AGBL4: variants seen among roughly 807,000 people sequenced by gnomAD.
AGBL4 encodes AGBL carboxypeptidase 4.
In AGBL4, 58 loss-of-function variants were observed where a neutral mutation model predicts 66.4. The observed-to-expected ratio is 0.87, with a 90% CI of 0.71 to 1.09. The LOEUF (loss-of-function observed/expected upper bound fraction) is 1.09, where lower values mean the gene tolerates loss of function less well. Among genes scored for constraint, AGBL4 ranks in the 50% least tolerant of loss-of-function variants. AGBL4 has a pLI of 0.00. For synonymous variants in AGBL4, 234 were observed against 222.9 expected, an observed-to-expected ratio of 1.05 and a Z score of -0.44; for missense variants, 579 against 631.0, an observed-to-expected ratio of 0.92 and a Z score of 0.88.
chr1:48,823,756 A>G (rs1248992902), intron 6 of AGBL4, among the ~76,000 whole-genome samples: 2 of 152,234 alleles, frequency 1.3e-5, no homozygotes, highest in Non-Finnish European at 2.9e-5. Context: ...CCAACACAAA[A>G]TATGGAACAG....
At chr1:48,613,027 G>GGGAGGCTGA (rs1301957662) in intron 9 of AGBL4, among the ~76,000 whole-genome samples, 7 of 152,062 alleles carry the variant, frequency 4.6e-5, no homozygotes, top group Non-Finnish European at 7.4e-5. Flanking sequence ...CCAGCTACTC[G>GGGAGGCTGA]GGAGGCTGAG....
chr1:49,273,755 C>G (rs931176853), intron 3 of AGBL4, among the ~76,000 whole-genome samples: 15 of 152,048 alleles, frequency 9.9e-5, no homozygotes, highest in Non-Finnish European at 1.8e-4. Flanking sequence ...TGGCTCACTG[C>G]AAGCTCCACC....
chr1:49,385,247 C>T (rs1644712806), intron 3 of AGBL4, among the ~76,000 whole-genome samples: 1 of 152,120 alleles, frequency 6.6e-6, no homozygotes, highest in Non-Finnish European at 1.5e-5. Context: ...ACAGTTAACA[C>T]TACTGTATAG....
At chr1:49,028,028 C>T (rs1044789638) in intron 5 of AGBL4, among the ~76,000 whole-genome samples, 2 of 152,104 alleles carry the variant, frequency 1.3e-5, no homozygotes, top group African/African-American at 4.8e-5. Context: ...AATAACTCCA[C>T]AACACTGCAT....
chr1:48,670,797 C>T (rs61649209), intron 6 of AGBL4, among the ~76,000 whole-genome samples: 1,969 of 152,336 alleles, frequency 0.013, 46 homozygotes, highest in African/African-American at 0.044. Flanking sequence ...GAGCCAGAGC[C>T]ACCTACTCAG....
chr1:48,622,977 G>C (rs965428870), intron 9 of AGBL4, among the ~76,000 whole-genome samples: 1 of 152,168 alleles, frequency 6.6e-6, no homozygotes, highest in African/African-American at 2.4e-5. Context: ...ACGTTGAATT[G>C]AGATTTAAAC....
Position 49,764,454 on chromosome 1 carries a change from T to C in AGBL4, c.158-67017A>G, listed in dbSNP as rs1283772488. ...ATTCTGCTTGCTCTCACCTGAGAGA[T>C]CTGCCAGTGAGCATAGAACAAGGCC... On this transcript the variant is annotated intron_variant, in intron 2 of 13. Coordinates refer to ENST00000371839, the MANE Select transcript of AGBL4 (RefSeq NM_032785.4). Among the ~76,000 whole-genome samples, 3 of 152,258 alleles carry C rather than the reference T, an allele frequency of 2.0e-5. No homozygotes were observed. In the East Asian group the frequency reaches 5.8e-4, roughly 30 times the overall value.
intron 5 of AGBL4, among the ~76,000 whole-genome samples, chr1:48,943,154 T>G: frequency 6.6e-6 from 1 of 152,246 alleles, no homozygotes; most frequent in South Asian, 2.1e-4. Context: ...TGCAGCCGCA[T>G]GCACCACGTT....
intron 2 of AGBL4, among the ~76,000 whole-genome samples, chr1:49,727,476 G>A (rs907508638): frequency 1.1e-4 from 17 of 152,112 alleles, no homozygotes; most frequent in African/African-American, 3.6e-4. Flanking sequence ...AAGAACACTC[G>A]AAAATAATGT....
chr1:48,531,564 G>C (rs1235277576), downstream of AGBL4, among the ~76,000 whole-genome samples: 2 of 152,148 alleles, frequency 1.3e-5, no homozygotes, highest in African/African-American at 4.8e-5. Flanking sequence ...TTCACTAGAA[G>C]GTTTTCCTCA....
intron 6 of AGBL4, among the ~76,000 whole-genome samples, chr1:48,848,390 C>T (rs1646964939): frequency 6.6e-6 from 1 of 152,110 alleles, no homozygotes; most frequent in South Asian, 2.1e-4. Context: ...TTAATGAGTA[C>T]ATCAGTTATT....
intron 3 of AGBL4, among the ~76,000 whole-genome samples, chr1:49,363,821 A>G (rs760982505): frequency 2.0e-5 from 3 of 152,156 alleles, no homozygotes; most frequent in Non-Finnish European, 2.9e-5. Flanking sequence ...TGTACCAGGC[A>G]CTCTGCTATG....
In AGBL4 at chr1:48,619,561, C is replaced by G. The variant is rs569093040; in HGVS notation, c.951+14932G>C. Reference sequence around the variant, plus strand: ...CCTGAAGCCCTGCTTTCATTCACCCCACCCATGCCAGGAGGCCGAGTCACA... The same window carrying G: ...CCTGAAGCCCTGCTTTCATTCACCCGACCCATGCCAGGAGGCCGAGTCACA... On this transcript the variant is annotated intron_variant, in intron 9 of 13. Transcript: ENST00000371839. 3.3e-5 allele frequency among the ~76,000 whole-genome samples: 5 copies of G among 152,318 alleles called. No individual in the cohort carries two copies. The South Asian group carries it at 6.2e-4, about 19-fold the overall frequency.
At position 49,523,232 on chromosome 1, in the gene AGBL4, G is replaced by A. The variant is rs369896571; in HGVS notation, c.282+174081C>T. On this transcript the variant is annotated intron_variant, in intron 3 of 13. Transcript: ENST00000371839. ...AAGGTTATCTGTGGGAGATATTAAG[G>A]TTATCAAAAGAACATTTTAGTGAGG... Among the ~76,000 whole-genome samples the A allele has an allele frequency of 3.5e-4, 53 of 152,094 alleles. 1 individual carries two copies. In the South Asian group the frequency reaches 9.8e-3, roughly 28 times the overall value.
chr1:49,309,166 C>T (rs957734338), intron 3 of AGBL4, among the ~76,000 whole-genome samples: 4 of 152,076 alleles, frequency 2.6e-5, no homozygotes, highest in Non-Finnish European at 5.9e-5. Context: ...TCTGTGTGAC[C>T]TTTGGCAAGT....
At chr1:48,793,782 C>A (rs990902998) in intron 6 of AGBL4, among the ~76,000 whole-genome samples, 2 of 152,170 alleles carry the variant, frequency 1.3e-5, no homozygotes, top group Non-Finnish European at 1.5e-5. Flanking sequence ...CACACTCTTT[C>A]AAGCTGTTTA....
chr1:49,018,226 A>G (rs1452230962), intron 5 of AGBL4, among the ~76,000 whole-genome samples: 1 of 152,200 alleles, frequency 6.6e-6, no homozygotes, highest in African/African-American at 2.4e-5. Flanking sequence ...AAGCAGTTTT[A>G]GTCTCCTCTA....
chr1:48,962,898 A>T (rs1658113355), intron 5 of AGBL4, among the ~76,000 whole-genome samples: 1 of 151,904 alleles, frequency 6.6e-6, no homozygotes, highest in South Asian at 2.1e-4. Context: ...TAAAGTGGAG[A>T]TAATAACAAT....
intron 5 of AGBL4, among the ~76,000 whole-genome samples, chr1:48,884,637 C>T (rs1259527098): frequency 6.6e-6 from 1 of 152,128 alleles, no homozygotes. Flanking sequence ...ACAGATGTGT[C>T]TGTGGATAAA....
Sources: allele counts gnomAD v4.1 joint callset (sites outside exome capture counted in the v4.1 genomes callset), GRCh38; gene constraint gnomAD v4.1.1; transcripts MANE v1.5; gene names NCBI Gene and HGNC (gene_info 2026-07-23, HGNC 2026-07-21).